ATP2A2: variants seen among roughly 807,000 people sequenced by gnomAD.
ATP2A2 encodes sarcoplasmic/endoplasmic reticulum calcium ATPase 2.
In ATP2A2, 14 loss-of-function variants were observed where a neutral mutation model predicts 109.3. The observed-to-expected ratio is 0.13, with a 90% CI of 0.08 to 0.20. The LOEUF is 0.20. ATP2A2 is among the 10% of genes least tolerant of loss of function. The probability of loss-of-function intolerance (pLI) is 1.00; values close to 1 mark genes in which losing one functional copy is unlikely to be tolerated. For synonymous variants in ATP2A2, 506 were observed against 490.9 expected (o/e 1.03, Z -0.41); for missense variants, 657 against 1,321.6 (o/e 0.50, Z 7.80).
chr12:110,310,239 G>A (rs1396605589), intron 5 of ATP2A2, among the ~76,000 whole-genome samples: 1 of 151,446 alleles, frequency 6.6e-6, no homozygotes, highest in Non-Finnish European at 1.5e-5. Flanking sequence ...TGCCTCCCTT[G>A]GCCTCCCAAA....
intron 14 of ATP2A2, among the ~76,000 whole-genome samples, chr12:110,341,825 G>A (rs1401966331): frequency 6.6e-6 from 1 of 152,170 alleles, no homozygotes; most frequent in Admixed American, 6.5e-5. Flanking sequence ...CCGAGACTGC[G>A]CCACTGCACT....
chr12:110,304,059 G>A (rs557077365), intron 5 of ATP2A2, among the ~76,000 whole-genome samples: 1 of 152,220 alleles, frequency 6.6e-6, no homozygotes, highest in South Asian at 2.1e-4. Context: ...TGTTTTTCTG[G>A]ATATTGCATA....
In ATP2A2 at chr12:110,340,753, G is replaced by A. The variant is rs765159350; in HGVS notation, c.1856G>A (p.Arg619Gln). ...AAGCTGTGCCGGCAAGCAGGCATCC[G>A]GGTCATCATGATCACTGGGGACAAC... Reference protein sequence around the residue: ...SVKLCRQAGIRVIMITGDNKG... With the variant: ...SVKLCRQAGIQVIMITGDNKG... Residue 619 changes from arginine to glutamine, a missense_variant, in exon 14 of 20, where the codon CGG becomes CAG. By Grantham distance (43) the Arg-to-Gln change is conservative (BLOSUM62 1). This residue lies in a region of ATP2A2 where 180 missense variants were observed against 329.1 expected (regional missense o/e 0.55). Transcript: ENST00000539276. The surrounding 1 kb of genome is among the most constrained non-coding windows in gnomAD (Gnocchi z 6.0). 4.3e-6 allele frequency: 7 copies of A among 1,613,972 alleles called. No individual in the cohort carries two copies. The highest frequency in any genetic ancestry group is 5.1e-6 in the Non-Finnish European group (6 of 1,180,012).
At position 110,347,127 on chromosome 12, in the gene ATP2A2, T is replaced by G. The variant is rs1879952100; in HGVS notation, c.*657T>G. The G allele has an allele frequency of 2.6e-6, 3 of 1,171,878 alleles. No homozygotes were observed. The highest frequency in any genetic ancestry group is 2.1e-6 in the Non-Finnish European group (2 of 934,914). The allele number at this position is 1,171,878 out of a possible 1,614,324, so 72.6% of individuals were successfully genotyped here. A position where few individuals can be genotyped will look rare whatever the true frequency, so the allele number is the denominator to read the frequency against. ...CATCAGTTTTAACGAGAGGTATGCC[T>G]GTACTCGCTTGTGCAGAAAACATTG... On this transcript the variant is annotated 3_prime_UTR_variant, in exon 20 of 20. Transcript: ENST00000539276.
chr12:110,328,739 T>A, intron 8 of ATP2A2, among the ~76,000 whole-genome samples: 1 of 151,838 alleles, frequency 6.6e-6, no homozygotes, highest in East Asian at 1.9e-4. Flanking sequence ...CTAGTTTTTT[T>A]ATTTTTTTTT....
Position 110,349,376 on chromosome 12 carries a change from A to G in ATP2A2, c.*2906A>G, listed in dbSNP as rs1880189726. The G allele has an allele frequency of 9.1e-6, 9 of 985,512 alleles. No homozygotes were observed. Among genetic ancestry groups the G allele is most frequent in the Non-Finnish European group, 9.6e-6 (8 of 829,992 alleles). 61.0% of individuals were successfully genotyped at this position (985,512 alleles called of 1,614,324 possible). A position where few individuals can be genotyped will look rare whatever the true frequency, so the allele number is the denominator to read the frequency against. Reference sequence around the variant, plus strand: ...TTCTTTCCTGATGGGCAGGTGGCTGAAGGCCCAGCCATCAGTGTCGCTTGT... The same window carrying G: ...TTCTTTCCTGATGGGCAGGTGGCTGGAGGCCCAGCCATCAGTGTCGCTTGT... On this transcript the variant is annotated 3_prime_UTR_variant, in exon 20 of 20. Transcript: ENST00000539276.
intron 10 of ATP2A2, 75 bp from the exon 11 acceptor site, chr12:110,333,936 GA>G (rs1482939101): frequency 1.1e-5 from 18 of 1,599,856 alleles, no homozygotes; most frequent in South Asian, 1.1e-5. Flanking sequence ...TGCTTTTGTG[GA>G]AAAAAAATAT....
rs1453398139 is a variant in ATP2A2 at position 110,340,653 on chromosome 12, T to C, written c.1762-6T>C. ...ACTTTTATTTAAAGTGATGCTCTTA[T>C]TTTAGACCAATCTGACCTTCGTTGG... On this transcript the variant is annotated splice_region_variant and splice_polypyrimidine_tract_variant and intron_variant, in intron 13 of 19. Transcript: ENST00000539276. This position sits in a 1 kb window ranked among gnomAD's most constrained non-coding sequence, Gnocchi z 6.0. The C allele has an allele frequency of 1.2e-6, 2 of 1,614,140 alleles. No homozygotes were observed. Among genetic ancestry groups the C allele is most frequent in the Non-Finnish European group, 1.7e-6 (2 of 1,180,002 alleles).
At chr12:110,297,830 C>T (rs116987195) in intron 5 of ATP2A2, among the ~76,000 whole-genome samples, 225 of 152,150 alleles carry the variant, frequency 1.5e-3, no homozygotes, top group Middle Eastern at 3.4e-3. Flanking sequence ...GTTGCTCAGG[C>T]TAGTCTCAAA....
rs369170250 is a variant in ATP2A2 at position 110,343,329 on chromosome 12, C to T, written c.2416C>T (p.Leu806=). Reference sequence around the variant, plus strand: ...GACAGATGGCCTGCCTGCCACTGCACTGGGGTTCAACCCTCCTGATCTGGA... The same window carrying T: ...GACAGATGGCCTGCCTGCCACTGCATTGGGGTTCAACCCTCCTGATCTGGA... ...LVTDGLPATA[L]GFNPPDLDIM... is the part of the protein sequence containing the mutation. The change falls in exon 16 of 20, where the codon CTG becomes TTG. Residue 806 remains leucine (L), a synonymous_variant. Coordinates refer to ENST00000539276, the MANE Select transcript of ATP2A2 (RefSeq NM_170665.4). 2.0e-5 allele frequency: 32 copies of T among 1,614,116 alleles called. No individual in the cohort carries two copies. Among genetic ancestry groups the T allele is most frequent in the Non-Finnish European group, 2.6e-5 (31 of 1,180,052 alleles).
chr12:110,282,347 GC>G (rs2137672710), intron 1 of ATP2A2, among the ~76,000 whole-genome samples: 1 of 152,322 alleles, frequency 6.6e-6, no homozygotes, highest in African/African-American at 2.4e-5. Context: ...AGGTTCAGGA[GC>G]CCGAAGTGAT....
chr12:110,326,632 C>T (rs971815044), intron 7 of ATP2A2, among the ~76,000 whole-genome samples, 157 bp downstream of exon 7: 3 of 152,108 alleles, frequency 2.0e-5, no homozygotes, highest in South Asian at 2.1e-4. Context: ...AGTAACATAA[C>T]GTGTGACTTA....
intron 5 of ATP2A2, among the ~76,000 whole-genome samples, chr12:110,300,351 C>T (rs74748472): frequency 9.6e-6 from 1 of 104,448 alleles, no homozygotes; most frequent in Non-Finnish European, 1.8e-5. Context: ...CCATGCCCAG[C>T]TTTTTTTTTT....
chr12:110,318,986 A>AT (rs1210442984), intron 5 of ATP2A2, among the ~76,000 whole-genome samples: 2 of 152,094 alleles, frequency 1.3e-5, no homozygotes, highest in African/African-American at 4.8e-5. Context: ...TAGCTATTGC[A>AT]TTTTTTCTCT....
At chr12:110,320,150 C>G (rs977764848) in intron 5 of ATP2A2, among the ~76,000 whole-genome samples, 1 of 152,170 alleles carries the variant, frequency 6.6e-6, no homozygotes, top group Non-Finnish European at 1.5e-5. Flanking sequence ...CACTGAAACA[C>G]AGCAAAACAC....
chr12:110,344,850 AG>A, intron 16 of ATP2A2, 35 bp from the exon 17 acceptor site: 1 of 1,608,172 alleles, frequency 6.2e-7, no homozygotes, highest in Non-Finnish European at 8.5e-7. Context: ...AGCCCTGCAG[AG>A]GCAAGTGCAT....
chr12:110,289,826 TA>T (rs1211198962), intron 3 of ATP2A2, among the ~76,000 whole-genome samples: 1 of 152,250 alleles, frequency 6.6e-6, no homozygotes, highest in Non-Finnish European at 1.5e-5. Context: ...AAGAGGTTTT[TA>T]AATTTTTAAC....
rs778264223 is a variant in ATP2A2, at chr12:110,348,273, C to T, written c.*1803C>T. The T allele has an allele frequency of 3.5e-5, 34 of 985,316 alleles. No homozygotes were observed. Among genetic ancestry groups the T allele is most frequent in the Non-Finnish European group, 3.9e-5 (32 of 829,984 alleles). The allele number at this position is 985,316 out of a possible 1,614,324, so 61.0% of individuals were successfully genotyped here. On this transcript the variant is annotated 3_prime_UTR_variant, in exon 20 of 20. Coordinates refer to ENST00000539276, the MANE Select transcript of ATP2A2 (RefSeq NM_170665.4). ...GCCACTTCCCCACTCCCCCACCCCC[C>T]CTTGCTTGGTCTTGTCCTTGGTGGC...
At chr12:110,321,478 ATTG>A (rs1394972324) in intron 5 of ATP2A2, among the ~76,000 whole-genome samples, 2 of 152,042 alleles carry the variant, frequency 1.3e-5, no homozygotes, top group Non-Finnish European at 1.5e-5. Flanking sequence ...TGTTGTTATT[ATTG>A]TTGTTTTGAG....
Sources: allele counts gnomAD v4.1 joint callset (sites outside exome capture counted in the v4.1 genomes callset), GRCh38; gene constraint gnomAD v4.1.1; regional missense constraint gnomAD v4.1.1; non-coding constraint Gnocchi (gnomAD v3.1); transcripts MANE v1.5; gene names NCBI Gene and HGNC (gene_info 2026-07-23, HGNC 2026-07-21).